The following STX8 variants were observed in gnomAD, a reference collection of about 807,000 sequenced individuals.
STX8 encodes the protein syntaxin-8.
STX8 carries 23 observed loss-of-function variants against 37.5 expected under a neutral mutation model. The observed-to-expected ratio is 0.61, with a 90% CI of 0.44 to 0.87. The LOEUF is 0.87. Ranked by LOEUF, STX8 falls within the 40% of genes least tolerant of loss-of-function variation. STX8 has a pLI of 0.00. For synonymous variants in STX8, 115 were observed against 99.1 expected, an observed-to-expected ratio of 1.16 and a Z score of -0.95; for missense variants, 313 against 284.7, an observed-to-expected ratio of 1.10 and a Z score of -0.71.
chr17:9,302,755 G>C (rs576762071), intron 7 of STX8, among the ~76,000 whole-genome samples: 2 of 152,210 alleles, frequency 1.3e-5, no homozygotes, highest in South Asian at 4.1e-4. Context: ...CCATGAAAAG[G>C]CAAAACCACA....
chr17:9,382,178 C>CACAA (rs1159053591), intron 6 of STX8, among the ~76,000 whole-genome samples: 2 of 151,660 alleles, frequency 1.3e-5, no homozygotes, highest in Non-Finnish European at 2.9e-5. Flanking sequence ...CACTCACACA[C>CACAA]ACACACACAC....
chr17:9,395,709 G>A (rs2080518004), intron 6 of STX8, among the ~76,000 whole-genome samples: 1 of 152,094 alleles, frequency 6.6e-6, no homozygotes, highest in Admixed American at 6.5e-5. Flanking sequence ...ACAGGCTTTG[G>A]CCTTCTCTTG....
chr17:9,266,246 TGGGTGCCAGCACTTTCCAGAACAG>T (rs941371622), intron 7 of STX8, among the ~76,000 whole-genome samples: 4 of 152,182 alleles, frequency 2.6e-5, no homozygotes, highest in African/African-American at 9.7e-5. Flanking sequence ...AAGTTGGCAG[TGGGTGCCAGCACTTTCCAGAACAG>T]GGGTGCCCCA....
intron 7 of STX8, among the ~76,000 whole-genome samples, chr17:9,301,612 A>G (rs1908787954): frequency 6.6e-6 from 1 of 150,900 alleles, no homozygotes; most frequent in African/African-American, 2.4e-5. Context: ...CCTCCCGAGT[A>G]GCTGGGACTA....
chr17:9,425,607 A>G (rs77248981), intron 6 of STX8, among the ~76,000 whole-genome samples: 6,743 of 152,270 alleles, frequency 0.044, 460 homozygotes, highest in African/African-American at 0.15. Context: ...AAACCATGTA[A>G]AAAATGTTCA....
At chr17:9,418,839 A>T (rs868503237) in intron 6 of STX8, among the ~76,000 whole-genome samples, 28 of 34,346 alleles carry the variant, frequency 8.2e-4, no homozygotes, top group Admixed American at 6.4e-3. Context: ...AAAAAAAAAA[A>T]GGGGGGGGGG....
chr17:9,526,586 A>G (rs1255757714), intron 4 of STX8, among the ~76,000 whole-genome samples: 2 of 152,224 alleles, frequency 1.3e-5, no homozygotes, highest in African/African-American at 2.4e-5. Context: ...AGTTGGAAAC[A>G]TTTTTTAAAA....
Position 9,279,061 on chromosome 17 carries a change from G to GT in STX8, c.644-28417dup, listed in dbSNP as rs1479426591. On this transcript the variant is annotated intron_variant, in intron 7 of 7. Coordinates refer to ENST00000306357, the MANE Select transcript of STX8 (RefSeq NM_004853.3). ...TTATTATTCTGTGTGTGTGTTTTTT[G>GT]TTTTTTGTTTTTTTTTTTTGAGATG... Among the ~76,000 whole-genome samples the GT allele has an allele frequency of 5.1e-5, 5 of 98,394 alleles. No homozygotes were observed. In the East Asian group the frequency reaches 8.4e-4, roughly 17 times the overall value. 64.6% of individuals were successfully genotyped at this position (98,394 alleles called of 152,430 possible). A position where few individuals can be genotyped will look rare whatever the true frequency, so the allele number is the denominator to read the frequency against.
chr17:9,451,365 C>T (rs1047382513), intron 6 of STX8, among the ~76,000 whole-genome samples: 3 of 152,086 alleles, frequency 2.0e-5, no homozygotes, highest in African/African-American at 7.2e-5. Flanking sequence ...CATCTCAGTT[C>T]GAGAACTTAC....
intron 7 of STX8, among the ~76,000 whole-genome samples, chr17:9,299,392 T>C (rs1281418180): frequency 6.6e-6 from 1 of 151,542 alleles, no homozygotes; most frequent in Non-Finnish European, 1.5e-5. Context: ...ACCTCGATGA[T>C]TTGGAAGGAA....
At chr17:9,421,780 C>G (rs952350317) in intron 6 of STX8, among the ~76,000 whole-genome samples, 3 of 152,100 alleles carry the variant, frequency 2.0e-5, no homozygotes, top group African/African-American at 7.2e-5. Flanking sequence ...GGCTCTGTGT[C>G]CTCACCCAAA....
chr17:9,286,659 A>T (rs1223488348), intron 7 of STX8, among the ~76,000 whole-genome samples: 1 of 151,504 alleles, frequency 6.6e-6, no homozygotes. Context: ...AAATAAAGAA[A>T]TAATTGCTTC....
At chr17:9,329,653 C>T (rs1909897930) in intron 7 of STX8, among the ~76,000 whole-genome samples, 1 of 152,244 alleles carries the variant, frequency 6.6e-6, no homozygotes, top group Non-Finnish European at 1.5e-5. Flanking sequence ...TGCAGAGCCA[C>T]TTCGAGTCCC....
At chr17:9,556,437 G>T (rs980712351) in intron 3 of STX8, among the ~76,000 whole-genome samples, 7 of 151,700 alleles carry the variant, frequency 4.6e-5, no homozygotes, top group African/African-American at 1.7e-4. Flanking sequence ...ATCAGATTAT[G>T]AATTTCTCTT....
At chr17:9,426,675 C>T (rs920638174) in intron 6 of STX8, among the ~76,000 whole-genome samples, 5 of 151,912 alleles carry the variant, frequency 3.3e-5, no homozygotes, top group African/African-American at 9.7e-5. Flanking sequence ...GTGGGAGGAT[C>T]GCTTGAGCCT....
intron 1 of STX8, among the ~76,000 whole-genome samples, chr17:9,570,794 C>G (rs1012010681): frequency 6.6e-6 from 1 of 152,036 alleles, no homozygotes; most frequent in Non-Finnish European, 1.5e-5. Flanking sequence ...GTGGTAAGTA[C>G]GTCTGGAGTT....
At chr17:9,335,828 C>T (rs957198154) in intron 7 of STX8, among the ~76,000 whole-genome samples, 5 of 66,984 alleles carry the variant, frequency 7.5e-5, no homozygotes, top group East Asian at 5.3e-4. Flanking sequence ...CACACACACA[C>T]GTAGACACAC....
chr17:9,291,253 T>C (rs1327200436), intron 7 of STX8, among the ~76,000 whole-genome samples: 1 of 152,052 alleles, frequency 6.6e-6, no homozygotes, highest in Non-Finnish European at 1.5e-5. Flanking sequence ...ACGACTAACC[T>C]GGGCAACATG....
intron 3 of STX8, chr17:9,552,698 A>T (rs1217471593): frequency 6.7e-6 from 1 of 149,016 alleles, no homozygotes; most frequent in South Asian, 2.1e-4. Context: ...TTTTGCCCAG[A>T]CTGGAGTGCA....
Sources: allele counts gnomAD v4.1 joint callset (sites outside exome capture counted in the v4.1 genomes callset), GRCh38; gene constraint gnomAD v4.1.1; transcripts MANE v1.5; gene names NCBI Gene and HGNC (gene_info 2026-07-23, HGNC 2026-07-21).